Variants in ZNF248 observed in about 807,000 individuals in gnomAD.
ZNF248 encodes the protein zinc finger protein 248.
In ZNF248, 20 loss-of-function variants were observed where a neutral mutation model predicts 44.3. The ratio of observed to expected loss-of-function variants is 0.45; its 90% confidence interval spans 0.32 to 0.66. The LOEUF (loss-of-function observed/expected upper bound fraction) is 0.66. ZNF248 is among the 30% of genes least tolerant of loss of function. The pLI, the probability that ZNF248 is intolerant of heterozygous loss-of-function variation, is 0.04. For missense variants in ZNF248, 654 were observed against 677.0 expected (o/e 0.97, Z 0.38); for synonymous variants, 224 against 229.0 (o/e 0.98, Z 0.20).
At chr10:37,759,692 T>C in the ZNF248 span, among the ~76,000 whole-genome samples, 1 of 152,190 alleles carries the variant, frequency 6.6e-6, no homozygotes, top group Non-Finnish European at 1.5e-5. Context: ...GTTAGAATGT[T>C]GCTCAGTCAG....
chr10:37,807,641 C>T (rs2050775463), intron 6 of ZNF248, among the ~76,000 whole-genome samples: 1 of 151,996 alleles, frequency 6.6e-6, no homozygotes, highest in South Asian at 2.1e-4. Context: ...AGTCTTTTGC[C>T]TCCTTGATGT....
intron 3 of ZNF248, among the ~76,000 whole-genome samples, chr10:37,845,855 A>G (rs1341535662): frequency 6.6e-6 from 1 of 152,228 alleles, no homozygotes; most frequent in Non-Finnish European, 1.5e-5. Context: ...GATAACCACA[A>G]AAGAGTACCA....
chr10:37,810,061 A>G (rs1167353360), intron 6 of ZNF248, among the ~76,000 whole-genome samples: 1 of 152,210 alleles, frequency 6.6e-6, no homozygotes, highest in East Asian at 1.9e-4. Flanking sequence ...AAAAGGGAGT[A>G]TTGAAGCAAA....
chr10:37,840,402 C>A (rs2058122351), intron 3 of ZNF248, among the ~76,000 whole-genome samples: 1 of 151,980 alleles, frequency 6.6e-6, no homozygotes, highest in Non-Finnish European at 1.5e-5. Flanking sequence ...AAAGACAGAC[C>A]AATAGCAAAT....
At chr10:37,810,290 A>G (rs1299748702) in intron 6 of ZNF248, among the ~76,000 whole-genome samples, 1 of 152,234 alleles carries the variant, frequency 6.6e-6, no homozygotes, top group Admixed American at 6.5e-5. Flanking sequence ...CAACTATTAT[A>G]GTAGAACTGT....
intron 6 of ZNF248, among the ~76,000 whole-genome samples, chr10:37,781,322 T>C (rs979612609): frequency 6.6e-6 from 1 of 152,172 alleles, no homozygotes; most frequent in Non-Finnish European, 1.5e-5. Flanking sequence ...TGTTATAATG[T>C]ACCACCTGAC....
intron 6 of ZNF248, among the ~76,000 whole-genome samples, chr10:37,823,109 G>A (rs911550050): frequency 6.6e-6 from 1 of 151,904 alleles, no homozygotes; most frequent in East Asian, 1.9e-4. Context: ...GCCGAGGTGG[G>A]CCAATCACGA....
At chr10:37,822,841 C>T (rs9417261) in intron 6 of ZNF248, among the ~76,000 whole-genome samples, 20,108 of 152,068 alleles carry the variant, frequency 0.13, 1,426 homozygotes, top group Admixed American at 0.2. Context: ...TCATCCTGGG[C>T]AACAGGCAGC....
chr10:37,842,697 G>GT (rs940160235), intron 3 of ZNF248, among the ~76,000 whole-genome samples: 65 of 152,318 alleles, frequency 4.3e-4, no homozygotes, highest in African/African-American at 1.5e-3. Flanking sequence ...CAAAAACACT[G>GT]TAAGGGGAAC....
intron 3 of ZNF248, among the ~76,000 whole-genome samples, chr10:37,849,824 A>T (rs2059931325): frequency 6.6e-6 from 1 of 152,066 alleles, no homozygotes; most frequent in South Asian, 2.1e-4. Context: ...TGTAATCCCA[A>T]CACTTTGGAA....
downstream of ZNF248, among the ~76,000 whole-genome samples, chr10:37,824,673 A>ATTTTTTTTTTT (rs755411927): frequency 0.023 from 1,855 of 79,690 alleles, 416 homozygotes; most frequent in African/African-American, 0.056. Flanking sequence ...ATTATTTTAA[A>ATTTTTTTTTTT]TTTTTTTTTT....
rs372890125 is a variant in ZNF248 at position 37,777,312 on chromosome 10, C to A, written c.331-737G>T. On this transcript the variant is annotated intron_variant, in intron 6 of 6. Transcript: ENST00000615949. ...CGTTGCAACTCCTGAACAGTAACAA[C>A]CAATGAACTATGGACTCAGGTACTA... is the stretch of plus-strand genomic sequence containing the variant. Among the ~76,000 whole-genome samples the A allele has an allele frequency of 2.6e-5, 4 of 152,330 alleles. No homozygotes were observed. The East Asian group carries it at 5.8e-4, about 22-fold the overall frequency.
At chr10:37,759,889 G>T in the ZNF248 span, among the ~76,000 whole-genome samples, 77 of 152,276 alleles carry the variant, frequency 5.1e-4, no homozygotes, top group African/African-American at 1.6e-3. Flanking sequence ...CCATTTGCTG[G>T]AAATGAAGAC....
chr10:37,829,634 T>C lies in ZNF248; in HGVS notation c.*1981A>G. Reference sequence around the variant, plus strand: ...TAGAGAGCAGAGTAGCTCGGCAACGTCACCTCTGAGCTGGCTTTTCCCACC... The same window carrying C: ...TAGAGAGCAGAGTAGCTCGGCAACGCCACCTCTGAGCTGGCTTTTCCCACC... On this transcript the variant is annotated 3_prime_UTR_variant, in exon 6 of 6. Coordinates refer to ENST00000395867, the MANE Select transcript of ZNF248 (RefSeq NM_021045.3). 7.1e-6 allele frequency: 7 copies of C among 985,410 alleles called. No individual in the cohort carries two copies. The highest frequency in any genetic ancestry group is 8.4e-6 in the Non-Finnish European group (7 of 829,938). The allele number at this position is 985,410 out of a possible 1,614,324, so 61.0% of individuals were successfully genotyped here.
chr10:37,798,864 T>C (rs987033584), intron 6 of ZNF248, among the ~76,000 whole-genome samples: 54 of 152,214 alleles, frequency 3.5e-4, no homozygotes, highest in Admixed American at 2.9e-3. Context: ...GTTTATATTG[T>C]ATTAATTTTT....
chr10:37,821,040 C>T (rs1031688246), intron 6 of ZNF248: 12 of 1,071,848 alleles, frequency 1.1e-5, no homozygotes, highest in Admixed American at 5.5e-5. Flanking sequence ...CAAAGACCTA[C>T]ATAATTTTAA....
the ZNF248 span, among the ~76,000 whole-genome samples, chr10:37,770,092 A>T: frequency 6.6e-6 from 1 of 152,302 alleles, no homozygotes; most frequent in Admixed American, 6.5e-5. Flanking sequence ...CTTCAAGGAG[A>T]ACTACAAACC....
At chr10:37,844,990 C>T (rs1444121977) in intron 3 of ZNF248, among the ~76,000 whole-genome samples, 3 of 143,574 alleles carry the variant, frequency 2.1e-5, no homozygotes, top group East Asian at 2.2e-4. Context: ...TTTCCCCTTC[C>T]TTCTCCTTCC....
chr10:37,775,228 ATGT>A (rs757014205), downstream of ZNF248: 3 of 151,876 alleles, frequency 2.0e-5, no homozygotes, highest in Non-Finnish European at 4.4e-5. Context: ...TATAATTAAT[ATGT>A]TGACTTTTCC....
Sources: allele counts gnomAD v4.1 joint callset (sites outside exome capture counted in the v4.1 genomes callset), GRCh38; gene constraint gnomAD v4.1.1; transcripts MANE v1.5; gene names NCBI Gene and HGNC (gene_info 2026-07-23, HGNC 2026-07-21).